Variants in FAM53B observed in about 807,000 individuals in gnomAD.
The protein encoded by FAM53B is family with sequence similarity 53 member B, also known as protein FAM53B.
In FAM53B, 12 loss-of-function variants were observed where a neutral mutation model predicts 32.7. That is an observed-to-expected ratio of 0.37 (90% CI 0.24 to 0.59). FAM53B has a LOEUF of 0.59. Among genes scored for constraint, FAM53B ranks in the 20% least tolerant of loss-of-function variants. The pLI, the probability that FAM53B is intolerant of heterozygous loss-of-function variation, is 0.72. For synonymous variants in FAM53B, 234 were observed against 228.7 expected (o/e 1.02, Z -0.21); for missense variants, 477 against 577.7 (o/e 0.83, Z 1.79).
At chr10:124,707,924 C>T (rs1217169364) in intron 1 of FAM53B, 1 of 152,232 alleles carries the variant, frequency 6.6e-6, no homozygotes, top group East Asian at 1.9e-4. Context: ...TATCCGCAGC[C>T]CCTCTCCGAT....
intron 4 of FAM53B, among the ~76,000 whole-genome samples, chr10:124,659,703 C>T (rs2134055717): frequency 6.6e-6 from 1 of 152,390 alleles, no homozygotes; most frequent in African/African-American, 2.4e-5. Flanking sequence ...TCCATTACCA[C>T]AAGCTCATCT....
intron 1 of FAM53B, among the ~76,000 whole-genome samples, chr10:124,731,781 C>T (rs1314486007): frequency 2.6e-5 from 4 of 152,016 alleles, no homozygotes; most frequent in Non-Finnish European, 5.9e-5. Flanking sequence ...GTGGCCCTTC[C>T]CCGCATCACC....
chr10:124,710,532 C>T (rs985700490), intron 1 of FAM53B, among the ~76,000 whole-genome samples: 8 of 152,158 alleles, frequency 5.3e-5, no homozygotes, highest in Non-Finnish European at 1.0e-4. Flanking sequence ...CCGGAGACTT[C>T]GAGCCCAGTC....
At chr10:124,662,781 ACCACAGTACT>A (rs1324558055) in intron 4 of FAM53B, among the ~76,000 whole-genome samples, 2 of 152,340 alleles carry the variant, frequency 1.3e-5, no homozygotes, top group African/African-American at 4.8e-5. Context: ...CTACGATCAC[ACCACAGTACT>A]CCAGCCTGGG....
At chr10:124,736,439 G>A (rs540612274) in intron 1 of FAM53B, among the ~76,000 whole-genome samples, 1 of 152,344 alleles carries the variant, frequency 6.6e-6, no homozygotes, top group African/African-American at 2.4e-5. Context: ...CAGGAGCCAG[G>A]CTCCTTCTCC....
In FAM53B at chr10:124,690,116, G is replaced by A. The variant is rs533426449; in HGVS notation, c.133+6042C>T. 1.2e-4 allele frequency among the ~76,000 whole-genome samples: 19 copies of A among 152,348 alleles called. No individual in the cohort carries two copies. The South Asian group carries it at 1.9e-3, about 15-fold the overall frequency. ...TCTTAACTGATGTACACAGCAAAGC[G>A]GGGCGCCATTAAACCGACGAGGGAA... On this transcript the variant is annotated intron_variant, in intron 3 of 4. Transcript: ENST00000337318.
intron 4 of FAM53B, among the ~76,000 whole-genome samples, chr10:124,661,165 C>T (rs771247897): frequency 5.3e-5 from 8 of 151,908 alleles, no homozygotes; most frequent in Admixed American, 6.6e-5. Flanking sequence ...GAAGACATGG[C>T]CATAACTGGA....
intron 1 of FAM53B, among the ~76,000 whole-genome samples, chr10:124,725,464 C>T (rs898208908): frequency 6.6e-6 from 1 of 152,234 alleles, no homozygotes; most frequent in East Asian, 1.9e-4. Flanking sequence ...AAACAAAGGG[C>T]GCCCAGCCTT....
At chr10:124,717,579 C>A (rs562814757) in intron 1 of FAM53B, among the ~76,000 whole-genome samples, 2 of 152,198 alleles carry the variant, frequency 1.3e-5, no homozygotes, top group East Asian at 3.8e-4. Context: ...AAAGCAGAGT[C>A]GGAGCAGGCC....
intron 2 of FAM53B, among the ~76,000 whole-genome samples, chr10:124,701,348 G>A (rs1267917472): frequency 1.3e-5 from 2 of 152,254 alleles, no homozygotes; most frequent in Non-Finnish European, 2.9e-5. Flanking sequence ...GGAAGTGCTT[G>A]TTCTAGCTAC....
At chr10:124,699,980 T>A (rs1318343416) in intron 2 of FAM53B, among the ~76,000 whole-genome samples, 1 of 152,224 alleles carries the variant, frequency 6.6e-6, no homozygotes, top group African/African-American at 2.4e-5. Flanking sequence ...TAGCTGGAGA[T>A]GGCCTCTGGT....
intron 1 of FAM53B, among the ~76,000 whole-genome samples, chr10:124,740,862 G>A (rs1950195499): frequency 6.6e-6 from 1 of 152,204 alleles, no homozygotes; most frequent in Non-Finnish European, 1.5e-5. Context: ...GCAAGGAGGA[G>A]GAGAGTCCAG....
rs1949324674 is a variant in FAM53B, at chr10:124,623,397, C to A, written c.1114G>T (p.Asp372Tyr). 1 of 1,612,070 alleles carries A rather than the reference C, an allele frequency of 6.2e-7. No homozygotes were observed. The highest frequency in any genetic ancestry group is 1.7e-5 in the Admixed American group (1 of 59,932). ...SFDDHLACQE[D>Y]LSCEESDSCA... The stretch of plus-strand genomic sequence containing the variant: ...CTGTCTGACTCCTCACAGGACAGGT[C>A]CTCCTGGCAGGCGAGGTGGTCGTCG... Residue 372 changes from aspartate (D) to tyrosine (Y), a missense_variant, in exon 5 of 5, where the codon GAC (aspartate) becomes TAC (tyrosine). Transcript: ENST00000337318.
intron 4 of FAM53B, among the ~76,000 whole-genome samples, chr10:124,628,879 T>C (rs1589729975): frequency 6.6e-6 from 1 of 152,350 alleles, no homozygotes; most frequent in East Asian, 1.9e-4. Context: ...GAGAAGCGAC[T>C]TCAGCTGAGC....
intron 1 of FAM53B, among the ~76,000 whole-genome samples, chr10:124,736,695 T>TG (rs1248575264): frequency 6.6e-6 from 1 of 152,056 alleles, no homozygotes; most frequent in Admixed American, 6.5e-5. Context: ...CTCCACGGGG[T>TG]GGGGGCAGGC....
chr10:124,686,469 T>C (rs1302402510), intron 3 of FAM53B, among the ~76,000 whole-genome samples: 2 of 152,352 alleles, frequency 1.3e-5, no homozygotes, highest in South Asian at 2.1e-4. Context: ...TCCACACCTT[T>C]GCAAAGGCCT....
chr10:124,668,439 A>G (rs1949687187), intron 4 of FAM53B, among the ~76,000 whole-genome samples: 1 of 152,160 alleles, frequency 6.6e-6, no homozygotes, highest in South Asian at 2.1e-4. Context: ...TGAGATGGAA[A>G]CTCTCTAGGT....
At chr10:124,644,435 C>CTCCT (rs1949498318) in intron 4 of FAM53B, among the ~76,000 whole-genome samples, 1 of 152,226 alleles carries the variant, frequency 6.6e-6, no homozygotes, top group African/African-American at 2.4e-5. Context: ...ACTGCCCGCC[C>CTCCT]TCCTTCCTTC....
At chr10:124,691,471 T>C (rs933151344) in intron 3 of FAM53B, among the ~76,000 whole-genome samples, 7 of 152,260 alleles carry the variant, frequency 4.6e-5, no homozygotes, top group African/African-American at 1.4e-4. Context: ...AAAGTAATTA[T>C]GGGTTTCCAT....
Sources: gnomAD v4.1 joint callset for allele counts (sites outside exome capture counted in the v4.1 genomes callset) on GRCh38, gnomAD v4.1.1 for gene constraint, MANE v1.5 for transcripts, NCBI Gene and HGNC (gene_info 2026-07-23, HGNC 2026-07-21) for gene names.